Variants in CCSER1 observed in about 807,000 individuals in gnomAD.
The protein encoded by CCSER1 is serine-rich coiled-coil domain-containing protein 1.
CCSER1 carries 41 observed loss-of-function variants against 82.0 expected under a neutral mutation model. That is an observed-to-expected ratio of 0.50 (90% confidence interval 0.39 to 0.65). CCSER1 has a LOEUF of 0.65. Ranked by LOEUF, CCSER1 falls within the 30% of genes least tolerant of loss-of-function variation. CCSER1 has a pLI of 0.00. For synonymous variants in CCSER1, 414 were observed against 383.9 expected (o/e 1.08, Z -0.92); for missense variants, 1,119 against 1,064.2 (o/e 1.05, Z -0.72).
At chr4:91,338,394 T>C (rs1747466321) in intron 10 of CCSER1, among the ~76,000 whole-genome samples, 1 of 152,166 alleles carries the variant, frequency 6.6e-6, no homozygotes. Flanking sequence ...GAATTGTCCC[T>C]TGGGGCGTGA....
chr4:91,176,303 G>C (rs928238693), intron 10 of CCSER1, among the ~76,000 whole-genome samples: 2 of 152,182 alleles, frequency 1.3e-5, no homozygotes, highest in African/African-American at 4.8e-5. Flanking sequence ...TCTTGGCAAT[G>C]TGGTCTCTTT....
chr4:90,309,120 G>A lies in CCSER1; in HGVS notation c.836G>A (p.Ser279Asn). 6.2e-7 allele frequency: 1 copy of A among 1,613,892 alleles called. No homozygotes were observed. Among genetic ancestry groups the A allele is most frequent in the Non-Finnish European group, 8.5e-7 (1 of 1,179,836 alleles). The change falls in exon 2 of 11, where the codon AGC becomes AAC. Residue 279 changes from serine to asparagine, a missense_variant. By Grantham distance (46) the Ser-to-Asn change is conservative (BLOSUM62 1). Coordinates refer to ENST00000509176, the MANE Select transcript of CCSER1 (RefSeq NM_001145065.2). ...SEMDAFSKSG[S>N]MASHCDNFGH... ...ATGGATGCATTTTCTAAAAGTGGAA[G>A]CATGGCATCCCACTGTGACAACTTT...
Position 90,400,120 on chromosome 4 carries a change from C to A in CCSER1, c.1594C>A (p.His532Asn). 1.3e-6 allele frequency: 2 copies of A among 1,579,626 alleles called. No homozygotes were observed. Among genetic ancestry groups the A allele is most frequent in the Non-Finnish European group, 1.7e-6 (2 of 1,149,940 alleles). The stretch of plus-strand genomic sequence containing the variant: ...TGAATTTTTAGAGGAACAGAGTCTT[C>A]ACCCTTCTGGTAAGTGTTAAAGAGA... ...DLEFLEEQSLHPSVCREDSYH... is the reference protein window; with the variant it reads ...DLEFLEEQSLNPSVCREDSYH... Residue 532 changes from histidine (H) to asparagine (N), a missense_variant, in exon 4 of 11, where the codon CAC (histidine) becomes AAC (asparagine). By Grantham distance (68) the His-to-Asn change is moderately conservative. Transcript: ENST00000509176.
chr4:90,863,748 G>T (rs1461307144), intron 8 of CCSER1, among the ~76,000 whole-genome samples: 1 of 151,776 alleles, frequency 6.6e-6, no homozygotes, highest in Non-Finnish European at 1.5e-5. Context: ...AGCAAGGGAG[G>T]AAGGAAAGGA....
chr4:90,138,980 A>G (rs780869384), intron 1 of CCSER1, among the ~76,000 whole-genome samples: 1 of 152,250 alleles, frequency 6.6e-6, no homozygotes, highest in Middle Eastern at 3.2e-3. Flanking sequence ...AATGAAACCC[A>G]GTATGTTTCC....
At chr4:90,295,748 T>A (rs1222034692) in intron 1 of CCSER1, among the ~76,000 whole-genome samples, 1 of 152,108 alleles carries the variant, frequency 6.6e-6, no homozygotes, top group African/African-American at 2.4e-5. Flanking sequence ...TATCAATTAG[T>A]GCTCCAGAGC....
At chr4:91,222,782 T>C (rs180899438) in intron 10 of CCSER1, among the ~76,000 whole-genome samples, 331 of 152,314 alleles carry the variant, frequency 2.2e-3, no homozygotes, top group Admixed American at 4.2e-3. Flanking sequence ...TCAGTGACTA[T>C]TGGGCACTGG....
chr4:90,232,302 C>T (rs559440565), intron 1 of CCSER1, among the ~76,000 whole-genome samples: 4 of 150,792 alleles, frequency 2.7e-5, no homozygotes, highest in Non-Finnish European at 4.4e-5. Flanking sequence ...AGAACAGAGC[C>T]CTCAGAAATA....
intron 5 of CCSER1, among the ~76,000 whole-genome samples, chr4:90,483,648 A>G (rs954665361): frequency 9.2e-5 from 14 of 152,148 alleles, no homozygotes; most frequent in Non-Finnish European, 1.9e-4. Flanking sequence ...GTTTGGCTGG[A>G]TATGAAATTC....
At chr4:90,405,604 G>T (rs1016882067) in intron 4 of CCSER1, among the ~76,000 whole-genome samples, 7 of 152,240 alleles carry the variant, frequency 4.6e-5, no homozygotes, top group Admixed American at 1.3e-4. Flanking sequence ...TTTAAGAGCT[G>T]TGAGGCAAAA....
At position 90,183,258 on chromosome 4, in the gene CCSER1, A is replaced by G. The variant is rs148055309; in HGVS notation, c.-42+55427A>G. On this transcript the variant is annotated intron_variant, in intron 1 of 10. Transcript: ENST00000509176. ...CTTTCCTCCCATTCATATAATTCCT[A>G]TCACCCTATGACCTCCAAACACACA... Among the ~76,000 whole-genome samples, 324 of 152,172 alleles carry G rather than the reference A, an allele frequency of 2.1e-3. 2 individuals carry two copies. Among genetic ancestry groups the G allele is most frequent in the African/African-American group, 7.5e-3 (312 of 41,528 alleles).
intron 10 of CCSER1, among the ~76,000 whole-genome samples, chr4:91,183,621 T>C (rs898798631): frequency 5.3e-5 from 8 of 152,286 alleles, no homozygotes; most frequent in African/African-American, 1.9e-4. Flanking sequence ...AGCGATTTGA[T>C]ATAAATAAGG....
intron 10 of CCSER1, chr4:91,319,630 A>T (rs1746059326): frequency 2.2e-6 from 1 of 454,854 alleles, no homozygotes; most frequent in Admixed American, 2.4e-5. Flanking sequence ...TGACATATTA[A>T]AAATATTAAC....
intron 7 of CCSER1, among the ~76,000 whole-genome samples, chr4:90,732,052 T>A (rs1580199719): frequency 6.7e-6 from 1 of 148,596 alleles, no homozygotes; most frequent in Admixed American, 6.9e-5. Flanking sequence ...TCTCTCTCTC[T>A]CTCTCTCTCA....
intron 10 of CCSER1, among the ~76,000 whole-genome samples, chr4:91,115,806 C>CTTTTTTTTTTT (rs527629667): frequency 2.0e-5 from 2 of 101,560 alleles, no homozygotes; most frequent in Non-Finnish European, 3.8e-5. Flanking sequence ...CTAGCTTTTT[C>CTTTTTTTTTTT]TTTTTTTTTT....
chr4:91,227,825 T>G (rs958286949), intron 10 of CCSER1, among the ~76,000 whole-genome samples: 13 of 152,052 alleles, frequency 8.5e-5, no homozygotes, highest in Non-Finnish European at 1.3e-4. Flanking sequence ...ATTTTGTGTT[T>G]GGTTCTTTAA....
At chr4:91,103,751 T>C (rs1005780197) in intron 10 of CCSER1, among the ~76,000 whole-genome samples, 1 of 152,098 alleles carries the variant, frequency 6.6e-6, no homozygotes, top group African/African-American at 2.4e-5. Flanking sequence ...TTGTAAAACG[T>C]GTGTTTGAAC....
At chr4:90,690,453 T>G (rs1735614712) in intron 6 of CCSER1, among the ~76,000 whole-genome samples, 1 of 152,142 alleles carries the variant, frequency 6.6e-6, no homozygotes, top group Admixed American at 6.6e-5. Flanking sequence ...TTGTGTTTGC[T>G]TTTCAAGTCC....
intron 5 of CCSER1, among the ~76,000 whole-genome samples, chr4:90,555,016 GC>G (rs1777945167): frequency 6.6e-6 from 1 of 151,998 alleles, no homozygotes; most frequent in Admixed American, 6.6e-5. Context: ...TCTTTATTAT[GC>G]CAGATGTGAG....
Sources: allele counts gnomAD v4.1 joint callset (sites outside exome capture counted in the v4.1 genomes callset), GRCh38; gene constraint gnomAD v4.1.1; transcripts MANE v1.5; gene names NCBI Gene and HGNC (gene_info 2026-07-23, HGNC 2026-07-21).